WRN: variants seen among roughly 807,000 people sequenced by gnomAD.
The protein encoded by WRN is WRN RecQ like helicase.
A neutral mutation model predicts 180.7 loss-of-function variants in WRN; 149 were observed. The observed-to-expected ratio is 0.82, with a 90% confidence interval of 0.72 to 0.94. The LOEUF is 0.94. WRN is among the 40% of genes least tolerant of loss of function. The pLI, the probability that WRN is intolerant of heterozygous loss-of-function variation, is 0.00. For synonymous variants in WRN, 548 were observed against 568.9 expected, an observed-to-expected ratio of 0.96 and a Z score of 0.52; for missense variants, 1,661 against 1,700.1, an observed-to-expected ratio of 0.98 and a Z score of 0.40.
chr8:31,047,414 C>T (rs1221879082), intron 1 of WRN, among the ~76,000 whole-genome samples: 3 of 152,156 alleles, frequency 2.0e-5, no homozygotes, highest in East Asian at 1.9e-4. Flanking sequence ...TGGCACGTAC[C>T]ACTACATCCA....
At chr8:31,107,959 A>G (rs1390421530) in intron 18 of WRN, among the ~76,000 whole-genome samples, 1 of 152,246 alleles carries the variant, frequency 6.6e-6, no homozygotes, top group African/African-American at 2.4e-5. Flanking sequence ...ATTTAGAATG[A>G]GTGCATGAAT....
intron 24 of WRN, among the ~76,000 whole-genome samples, chr8:31,139,739 C>T (rs1353703218): frequency 6.6e-6 from 1 of 152,180 alleles, no homozygotes. Context: ...AATACCTCCA[C>T]AATCATGCAT....
intron 33 of WRN, among the ~76,000 whole-genome samples, chr8:31,162,799 A>G (rs1309431105): frequency 6.6e-6 from 1 of 152,160 alleles, no homozygotes; most frequent in Non-Finnish European, 1.5e-5. Context: ...CTGCAACATC[A>G]TTATGTGGTG....
chr8:31,160,812 C>T (rs893296027), intron 33 of WRN, among the ~76,000 whole-genome samples: 5 of 151,854 alleles, frequency 3.3e-5, no homozygotes, highest in Non-Finnish European at 5.9e-5. Flanking sequence ...GGTGAAACCC[C>T]GTCTCTACTA....
chr8:31,091,700 G>C (rs1411117534), intron 15 of WRN, 130 bp from the exon 16 acceptor site: 1 of 921,196 alleles, frequency 1.1e-6, no homozygotes, highest in Admixed American at 2.2e-5. Flanking sequence ...AAGTTAGTAA[G>C]TGACAAAAAA....
rs750658657 is a variant in WRN at position 31,111,658 on chromosome 8, G to A, written c.2132G>A (p.Arg711Gln). 50 of 1,613,822 alleles carry A rather than the reference G, an allele frequency of 3.1e-5. No homozygotes were observed. Among genetic ancestry groups the A allele is most frequent in the Admixed American group, 1.7e-4 (10 of 59,998 alleles). ...ACTGCTACTGCAAGTTCTTCAATCCGGGAAGACATTGTACGTTGCTTAAAT... is the reference window on the plus strand; with the variant it reads ...ACTGCTACTGCAAGTTCTTCAATCCAGGAAGACATTGTACGTTGCTTAAAT... ...ALTATASSSIREDIVRCLNLR... is the reference protein window; with the variant it reads ...ALTATASSSIQEDIVRCLNLR... The change falls in exon 19 of 35, where the codon CGG becomes CAG. Residue 711 changes from arginine (R) to glutamine (Q), a missense_variant. Around this residue, in one of 3 missense-constraint regions of WRN, gnomAD observed 1,141 missense variants for 1,149.4 expected, o/e 0.99. Coordinates refer to ENST00000298139, the MANE Select transcript of WRN (RefSeq NM_000553.6).
chr8:31,100,452 T>G (rs945694701), intron 17 of WRN, among the ~76,000 whole-genome samples: 1 of 152,176 alleles, frequency 6.6e-6, no homozygotes, highest in Non-Finnish European at 1.5e-5. Flanking sequence ...AGTAGAAATT[T>G]GCTGACTCTT....
At chr8:31,062,949 G>A (rs11574191) in intron 3 of WRN, among the ~76,000 whole-genome samples, 1,546 of 152,050 alleles carry the variant, frequency 0.01, 28 homozygotes, top group African/African-American at 0.036. Flanking sequence ...TTTCGCCTCA[G>A]CCTCTCAAGT....
In WRN at chr8:31,044,342, C is replaced by CTTTTTTTTT. The variant is rs34518426; in HGVS notation, c.-77+10385_-77+10393dup. 2.5e-4 allele frequency among the ~76,000 whole-genome samples: 17 copies of CTTTTTTTTT among 68,312 alleles called. 1 individual carries two copies. Among genetic ancestry groups the CTTTTTTTTT allele is most frequent in the South Asian group, 6.8e-4 (1 of 1,460 alleles). The allele number at this position is 68,312 out of a possible 152,430, so 44.8% of individuals were successfully genotyped here. On this transcript the variant is annotated intron_variant, in intron 1 of 34. Coordinates refer to ENST00000298139, the MANE Select transcript of WRN (RefSeq NM_000553.6). Reference sequence around the variant, plus strand: ...AGGCGTGAGCCGCTTGCCCGACCTTCTTTTTTTTTTTTTTTTTTTTTTTTG... The same window carrying CTTTTTTTTT: ...AGGCGTGAGCCGCTTGCCCGACCTTCTTTTTTTTTTTTTTTTTTTTTTTTTTTTTTTTTG...
intron 22 of WRN, 132 bp from the exon 23 acceptor site, chr8:31,124,776 G>C: frequency 8.4e-7 from 1 of 1,189,464 alleles, no homozygotes; most frequent in Non-Finnish European, 1.2e-6. Flanking sequence ...CTTTGTGTCT[G>C]AGTAAACTGA....
Position 31,067,111 on chromosome 8 carries a change from A to T in WRN, c.583A>T (p.Ile195Phe). 1 of 1,613,996 alleles carries T rather than the reference A, an allele frequency of 6.2e-7. No homozygotes were observed. Among genetic ancestry groups the T allele is most frequent in the Non-Finnish European group, 8.5e-7 (1 of 1,179,976 alleles). Residue 195 changes from isoleucine to phenylalanine, a missense_variant, in exon 6 of 35, where the codon ATC becomes TTC. This residue lies in a region of WRN where 500 missense variants were observed against 504.1 expected (regional missense o/e 0.99). Transcript: ENST00000298139. ...TAAACAGCTCCTGAAAGACAAGTCT[A>T]TCCGCTGTAGCAATTGGAGTAAATT... ...LGKQLLKDKSIRCSNWSKFPL... is the reference protein window; with the variant it reads ...LGKQLLKDKSFRCSNWSKFPL...
At chr8:31,147,208 C>T in intron 29 of WRN, 80 bp downstream of exon 29, 2 of 1,533,724 alleles carry the variant, frequency 1.3e-6, no homozygotes, top group African/African-American at 1.4e-5. Flanking sequence ...TGTATTTTGC[C>T]AGCATTTTAA....
intron 7 of WRN, among the ~76,000 whole-genome samples, chr8:31,068,974 A>G (rs577560878): frequency 2.6e-5 from 4 of 152,340 alleles, no homozygotes; most frequent in African/African-American, 9.6e-5. Context: ...AATCCCAGCC[A>G]TGTGACCTGG....
chr8:31,160,246 A>G (rs1219994751), intron 33 of WRN, among the ~76,000 whole-genome samples: 1 of 152,222 alleles, frequency 6.6e-6, no homozygotes, highest in Non-Finnish European at 1.5e-5. Context: ...AGTCATGCTA[A>G]TCTGAGTATT....
chr8:31,125,789 C>T (rs1249837458), intron 23 of WRN, among the ~76,000 whole-genome samples: 2 of 150,208 alleles, frequency 1.3e-5, no homozygotes, highest in Non-Finnish European at 3.0e-5. Context: ...GTGGATGAGG[C>T]CCACCCACAT....
At chr8:31,130,411 G>C (rs1033324895) in intron 23 of WRN, among the ~76,000 whole-genome samples, 1 of 152,094 alleles carries the variant, frequency 6.6e-6, no homozygotes, top group African/African-American at 2.4e-5. Flanking sequence ...GAATTAGGTA[G>C]TTGAACTCTA....
rs138615841 is a variant in WRN, at chr8:31,129,544, T to G, written c.2826-2821T>G. On this transcript the variant is annotated intron_variant, in intron 23 of 34. Transcript: ENST00000298139. ...CTTGAGTTAGAAGTAAATAAGCAGATAAACAACAAAATCCTCATGCATTTG... is the reference window on the plus strand; with the variant it reads ...CTTGAGTTAGAAGTAAATAAGCAGAGAAACAACAAAATCCTCATGCATTTG... Among the ~76,000 whole-genome samples, 236 of 152,172 alleles carry G rather than the reference T, an allele frequency of 1.6e-3. 1 individual carries two copies. The highest frequency in any genetic ancestry group is 5.2e-3 in the African/African-American group (216 of 41,520).
rs1812359185 is a variant in WRN, at chr8:31,058,477, A to C, written c.30A>C (p.Ala10=). 2 of 1,613,660 alleles carry C rather than the reference A, an allele frequency of 1.2e-6. No individual in the cohort carries two copies. Among genetic ancestry groups the C allele is most frequent in the African/African-American group, 1.3e-5 (1 of 74,934 alleles). The change falls in exon 2 of 35, where the codon GCA becomes GCC. Residue 10 remains alanine, a synonymous_variant. Coordinates refer to ENST00000298139, the MANE Select transcript of WRN (RefSeq NM_000553.6). MSEKKLETT[A]QQRKCPEWMN... is the part of the protein sequence containing the mutation. Reference sequence around the variant, plus strand: ...GTGAAAAAAAATTGGAAACAACTGCACAGCAGCGGAAATGTCCTGAATGGA... The same window carrying C: ...GTGAAAAAAAATTGGAAACAACTGCCCAGCAGCGGAAATGTCCTGAATGGA...
rs4987237 is a variant in WRN, at chr8:31,081,013, A to C, written c.986A>C (p.Gln329Pro). 1.2e-6 allele frequency: 2 copies of C among 1,614,056 alleles called. No homozygotes were observed. The highest frequency in any genetic ancestry group is 1.7e-4 in the Middle Eastern group (1 of 6,060). Residue 329 changes from glutamine to proline, a missense_variant, in exon 9 of 35, where the codon CAA becomes CCA. Transcript: ENST00000298139. ...SFEDSTTGGV[Q>P]QKQIREHEVL... ...GAAGATTCAACTACTGGGGGAGTAC[A>C]ACAGAAACAAATTAGAGAACATGAA...
Sources: allele counts gnomAD v4.1 joint callset (sites outside exome capture counted in the v4.1 genomes callset), GRCh38; gene constraint gnomAD v4.1.1; regional missense constraint gnomAD v4.1.1; transcripts MANE v1.5; gene names NCBI Gene and HGNC (gene_info 2026-07-23, HGNC 2026-07-21).